Variants in SGCD observed in about 807,000 individuals in gnomAD.
SGCD encodes the protein delta-sarcoglycan.
A neutral mutation model predicts 36.6 loss-of-function variants in SGCD; 18 were observed. That is an observed-to-expected ratio of 0.49 (90% CI 0.34 to 0.73). SGCD has a LOEUF of 0.73. Ranked by LOEUF, SGCD falls within the 30% of genes least tolerant of loss-of-function variation. SGCD has a pLI of 0.01. For synonymous variants in SGCD, 133 were observed against 130.6 expected, an observed-to-expected ratio of 1.02 and a Z score of -0.12; for missense variants, 387 against 346.7, an observed-to-expected ratio of 1.12 and a Z score of -0.92.
the SGCD span, among the ~76,000 whole-genome samples, chr5:155,750,587 C>G: frequency 1.3e-5 from 2 of 152,206 alleles, no homozygotes; most frequent in Non-Finnish European, 2.9e-5. Flanking sequence ...ATTTATAGAA[C>G]AGCATCTTAA....
At chr5:156,104,445 C>G (rs1401374334) in intron 1 of SGCD, among the ~76,000 whole-genome samples, 1 of 152,094 alleles carries the variant, frequency 6.6e-6, no homozygotes, top group Non-Finnish European at 1.5e-5. Context: ...TAAGAGGGAC[C>G]TGCCTGATAT....
chr5:156,202,535 A>T (rs959398761), intron 3 of SGCD, among the ~76,000 whole-genome samples: 1 of 152,134 alleles, frequency 6.6e-6, no homozygotes, highest in African/African-American at 2.4e-5. Flanking sequence ...AACTAAGGCC[A>T]TAGAGAAGCA....
chr5:155,853,825 C>G, the SGCD span, among the ~76,000 whole-genome samples: 1 of 152,162 alleles, frequency 6.6e-6, no homozygotes, highest in Non-Finnish European at 1.5e-5. Context: ...TCTTCTCTGT[C>G]ATTATTTCAG....
the SGCD span, among the ~76,000 whole-genome samples, chr5:155,794,965 A>G: frequency 1.5e-3 from 226 of 152,232 alleles, no homozygotes; most frequent in Non-Finnish European, 2.5e-3. Context: ...AATATGACTT[A>G]TTTTCAAAAG....
At chr5:155,990,398 A>C (rs1758408271) in intron 1 of SGCD, among the ~76,000 whole-genome samples, 1 of 152,210 alleles carries the variant, frequency 6.6e-6, no homozygotes, top group Admixed American at 6.5e-5. Context: ...AAGATATAGC[A>C]GTCTTTGCTT....
At chr5:156,347,419 A>G (rs1233374642) in intron 3 of SGCD, among the ~76,000 whole-genome samples, 1 of 152,334 alleles carries the variant, frequency 6.6e-6, no homozygotes, top group African/African-American at 2.4e-5. Context: ...TGGACCTTGC[A>G]TTTAAAGACA....
intron 3 of SGCD, among the ~76,000 whole-genome samples, chr5:156,424,044 A>G (rs139341024): frequency 1.7e-4 from 26 of 152,108 alleles, no homozygotes; most frequent in African/African-American, 6.3e-4. Context: ...ATTGATCTGT[A>G]CAGGGCTCTA....
intron 7 of SGCD, among the ~76,000 whole-genome samples, chr5:156,722,297 C>G (rs928008926): frequency 5.3e-5 from 8 of 152,108 alleles, no homozygotes; most frequent in Non-Finnish European, 8.8e-5. Flanking sequence ...GTAGCAAAGA[C>G]AAATTCTGCA....
At chr5:156,515,990 A>G (rs934684889) in intron 4 of SGCD, among the ~76,000 whole-genome samples, 2 of 152,238 alleles carry the variant, frequency 1.3e-5, no homozygotes, top group African/African-American at 2.4e-5. Context: ...CAGCAACTGC[A>G]GCCAGAGGTT....
At chr5:155,826,885 C>A in the SGCD span, among the ~76,000 whole-genome samples, 1 of 152,208 alleles carries the variant, frequency 6.6e-6, no homozygotes, top group African/African-American at 2.4e-5. Context: ...AACCAGTCTG[C>A]AGGATCTTCA....
intron 1 of SGCD, among the ~76,000 whole-genome samples, chr5:156,002,280 C>T (rs906851063): frequency 6.6e-6 from 1 of 152,136 alleles, no homozygotes; most frequent in Non-Finnish European, 1.5e-5. Context: ...CACAGGGAGA[C>T]GACACCCTCT....
the SGCD span, among the ~76,000 whole-genome samples, chr5:155,847,523 G>A: frequency 2.0e-5 from 3 of 152,252 alleles, no homozygotes; most frequent in African/African-American, 7.2e-5. Context: ...CTCTGGACTT[G>A]CCTGAGACTA....
At chr5:155,981,683 C>T (rs537056916) in intron 1 of SGCD, among the ~76,000 whole-genome samples, 1 of 152,252 alleles carries the variant, frequency 6.6e-6, no homozygotes, top group African/African-American at 2.4e-5. Context: ...TGCATTTTCT[C>T]CCAGCCCCTG....
At chr5:156,149,675 G>T (rs1762787490) in intron 3 of SGCD, among the ~76,000 whole-genome samples, 1 of 152,138 alleles carries the variant, frequency 6.6e-6, no homozygotes, top group Non-Finnish European at 1.5e-5. Context: ...GCTAGTGAAG[G>T]GGCCAGGGGA....
chr5:156,571,313 TG>T (rs1759715111), intron 4 of SGCD, among the ~76,000 whole-genome samples: 2 of 152,366 alleles, frequency 1.3e-5, no homozygotes, highest in Admixed American at 1.3e-4. Context: ...CCCAAAGTGC[TG>T]GGATGACAGG....
chr5:156,169,025 A>T (rs1763278835), intron 3 of SGCD, among the ~76,000 whole-genome samples: 2 of 152,218 alleles, frequency 1.3e-5, no homozygotes, highest in Admixed American at 1.3e-4. Flanking sequence ...CAGGAGAAAC[A>T]TCTGATCTCA....
At chr5:156,357,672 A>C (rs111655431) in intron 3 of SGCD, among the ~76,000 whole-genome samples, 1 of 152,210 alleles carries the variant, frequency 6.6e-6, no homozygotes, top group African/African-American at 2.4e-5. Flanking sequence ...AGTTACATGT[A>C]AACTGCTTGT....
rs373193773 is a variant in SGCD, at chr5:156,276,368, A to C, written c.-43-53166A>C. Among the ~76,000 whole-genome samples, 4 of 152,300 alleles carry C rather than the reference A, an allele frequency of 2.6e-5. No individual in the cohort carries two copies. The East Asian group carries it at 7.7e-4, about 29-fold the overall frequency. ...TTTTATAAAAAACTTTGAATTTCAA[A>C]ACCTCGACCAAGGTTTTCAGCTTTT... On this transcript the variant is annotated intron_variant, in intron 3 of 9. Coordinates refer to the SGCD transcript ENST00000517913.
intron 1 of SGCD, among the ~76,000 whole-genome samples, chr5:155,980,503 G>A (rs1758204339): frequency 6.9e-6 from 1 of 145,864 alleles, no homozygotes; most frequent in African/African-American, 2.5e-5. Context: ...CAGAAGAATG[G>A]TGTGAACCCG....
Sources: allele counts gnomAD v4.1 joint callset (sites outside exome capture counted in the v4.1 genomes callset), GRCh38; gene constraint gnomAD v4.1.1; transcripts MANE v1.5; gene names NCBI Gene and HGNC (gene_info 2026-07-23, HGNC 2026-07-21).